EML4: variants seen among roughly 807,000 people sequenced by gnomAD.
EML4 encodes EMAP like 4.
In EML4, 72 loss-of-function variants were observed where a neutral mutation model predicts 129.0. The ratio of observed to expected loss-of-function variants is 0.56; its 90% CI spans 0.46 to 0.68. The LOEUF (loss-of-function observed/expected upper bound fraction) is 0.68, where lower values mean the gene tolerates loss of function less well. Ranked by LOEUF, EML4 falls within the 30% of genes least tolerant of loss-of-function variation. The pLI, the probability that EML4 is intolerant of heterozygous loss-of-function variation, is 0.00. For missense variants in EML4, 1,363 were observed against 1,190.6 expected (o/e 1.14, Z -2.13); for synonymous variants, 532 against 405.0 (o/e 1.31, Z -3.77).
chr2:42,210,452 A>G (rs1168423251), intron 1 of EML4, among the ~76,000 whole-genome samples: 1 of 152,230 alleles, frequency 6.6e-6, no homozygotes, highest in African/African-American at 2.4e-5. Flanking sequence ...TGATCACTTC[A>G]CTGAGGTACT....
intron 6 of EML4, among the ~76,000 whole-genome samples, chr2:42,269,615 C>G (rs773274699): frequency 1.3e-5 from 2 of 152,178 alleles, no homozygotes; most frequent in Non-Finnish European, 1.5e-5. Context: ...GAAGACATTT[C>G]TGATATGGTG....
intron 6 of EML4, among the ~76,000 whole-genome samples, chr2:42,273,586 G>A (rs187979001): frequency 6.6e-6 from 1 of 152,208 alleles, no homozygotes; most frequent in East Asian, 1.9e-4. Flanking sequence ...CTTTTACACT[G>A]TGCATCCCCC....
intron 21 of EML4, among the ~76,000 whole-genome samples, chr2:42,327,649 A>G (rs1222556510): frequency 6.6e-6 from 1 of 152,192 alleles, no homozygotes; most frequent in African/African-American, 2.4e-5. Flanking sequence ...TCCGACCTCT[A>G]TGACTGTTTT....
intron 1 of EML4, among the ~76,000 whole-genome samples, chr2:42,191,804 A>C (rs1211860417): frequency 6.6e-6 from 1 of 152,150 alleles, no homozygotes; most frequent in Non-Finnish European, 1.5e-5. Flanking sequence ...TCACGCCTAT[A>C]ATCCCAACAC....
intron 1 of EML4, among the ~76,000 whole-genome samples, chr2:42,226,245 C>G (rs1414573930): frequency 6.6e-6 from 1 of 151,960 alleles, no homozygotes; most frequent in East Asian, 1.9e-4. Context: ...TAATTCTTAG[C>G]CATGACACTG....
At position 42,272,829 on chromosome 2, in the gene EML4, G is replaced by A. The variant is rs1027464203; in HGVS notation, c.668-8021G>A. Among the ~76,000 whole-genome samples the A allele has an allele frequency of 3.9e-5, 6 of 152,058 alleles. No individual in the cohort carries two copies. The East Asian group carries it at 7.7e-4, about 19-fold the overall frequency. The stretch of plus-strand genomic sequence containing the variant: ...GAAGGCAGCTGGGGCTTTTTTCTTC[G>A]CTGAAAATAAGGAAAGAGGATGTCA... On this transcript the variant is annotated intron_variant, in intron 6 of 22. Transcript: ENST00000318522.
At position 42,301,333 on chromosome 2, in the gene EML4, G is replaced by A. The variant is rs1668274747; in HGVS notation, c.1582G>A (p.Gly528Arg). Residue 528 changes from glycine to arginine, a missense_variant, in exon 14 of 23, where the codon GGG (glycine) becomes AGG (arginine). By Grantham distance (125) the Gly-to-Arg change is moderately radical (BLOSUM62 -2). Transcript: ENST00000318522. Reference sequence around the variant, plus strand: ...AAATGGGATGTTATTAACTGGAGGAGGGAAAGACAGAAAAATAATTCTGTG... The same window carrying A: ...AAATGGGATGTTATTAACTGGAGGAAGGAAAGACAGAAAAATAATTCTGTG... ...MRNGMLLTGG[G>R]KDRKIILWDH... is the part of the protein sequence containing the mutation. The A allele has an allele frequency of 6.2e-7, 1 of 1,612,802 alleles. No individual in the cohort carries two copies. Among genetic ancestry groups the A allele is most frequent in the Non-Finnish European group, 8.5e-7 (1 of 1,179,456 alleles).
At chr2:42,327,751 A>G (rs1351460203) in intron 21 of EML4, among the ~76,000 whole-genome samples, 1 of 152,214 alleles carries the variant, frequency 6.6e-6, no homozygotes, top group Non-Finnish European at 1.5e-5. Context: ...GCAAAGAATT[A>G]AAAAGAAGTG....
chr2:42,236,947 T>G (rs921599278), intron 1 of EML4, among the ~76,000 whole-genome samples: 2 of 152,226 alleles, frequency 1.3e-5, no homozygotes, highest in Non-Finnish European at 2.9e-5. Context: ...TGTTGACCAT[T>G]TATGTTTCCT....
chr2:42,214,051 A>T (rs1673033421), intron 1 of EML4, among the ~76,000 whole-genome samples: 1 of 152,132 alleles, frequency 6.6e-6, no homozygotes, highest in Non-Finnish European at 1.5e-5. Flanking sequence ...ATGTTTTGTG[A>T]TCCCCCAATT....
intron 11 of EML4, among the ~76,000 whole-genome samples, chr2:42,290,739 T>A (rs932637879): frequency 2.0e-5 from 3 of 151,960 alleles, no homozygotes; most frequent in Admixed American, 6.6e-5. Flanking sequence ...CTCAAAAAAA[T>A]TTTTTTTAAT....
chr2:42,197,675 T>G (rs1671975088), intron 1 of EML4, among the ~76,000 whole-genome samples: 1 of 152,160 alleles, frequency 6.6e-6, no homozygotes, highest in Non-Finnish European at 1.5e-5. Context: ...TATTTTATCT[T>G]AAAAAGCAAA....
intron 1 of EML4, among the ~76,000 whole-genome samples, chr2:42,171,264 T>TA (rs1484224329): frequency 2.6e-5 from 4 of 152,106 alleles, no homozygotes; most frequent in African/African-American, 9.7e-5. Context: ...AAAAATTGAG[T>TA]GTCTTCTTAG....
chr2:42,234,562 C>T (rs1176879034), intron 1 of EML4, among the ~76,000 whole-genome samples: 1 of 152,206 alleles, frequency 6.6e-6, no homozygotes, highest in Admixed American at 6.5e-5. Flanking sequence ...CTTGCTCCCT[C>T]CATTAGCCCC....
At chr2:42,243,650 T>A (rs561200729) in intron 1 of EML4, among the ~76,000 whole-genome samples, 20 of 152,276 alleles carry the variant, frequency 1.3e-4, no homozygotes, top group Non-Finnish European at 2.5e-4. Context: ...TCCTTCAATA[T>A]CTACGTCTCA....
At chr2:42,322,511 T>C (rs1401905880) in intron 19 of EML4, among the ~76,000 whole-genome samples, 2 of 152,366 alleles carry the variant, frequency 1.3e-5, no homozygotes, top group East Asian at 1.9e-4. Flanking sequence ...CTGATTCAGG[T>C]GATAATCATC....
intron 11 of EML4, chr2:42,289,720 C>G (rs1667516176): frequency 6.6e-6 from 1 of 151,654 alleles, no homozygotes; most frequent in Admixed American, 6.6e-5. Flanking sequence ...CACCGTGTCC[C>G]AAATATCTGC....
intron 1 of EML4, among the ~76,000 whole-genome samples, chr2:42,184,172 C>G (rs762288804): frequency 2.6e-5 from 4 of 152,120 alleles, no homozygotes; most frequent in Admixed American, 6.6e-5. Context: ...TTATCTCACT[C>G]TATTCTTACT....
chr2:42,257,595 G>A (rs1197625942), intron 3 of EML4, among the ~76,000 whole-genome samples: 2 of 152,178 alleles, frequency 1.3e-5, no homozygotes, highest in Non-Finnish European at 2.9e-5. Flanking sequence ...CAGCACTTTG[G>A]GAGGCTGAGG....
Sources: allele counts gnomAD v4.1 joint callset (sites outside exome capture counted in the v4.1 genomes callset), GRCh38; gene constraint gnomAD v4.1.1; transcripts MANE v1.5; gene names NCBI Gene and HGNC (gene_info 2026-07-23, HGNC 2026-07-21).